The following ADK variants were observed in gnomAD, a reference collection of about 807,000 sequenced individuals.
ADK encodes N6,N6-dimethyladenosine kinase.
A neutral mutation model predicts 44.7 loss-of-function variants in ADK; 24 were observed. That is an observed-to-expected ratio of 0.54 (90% CI 0.39 to 0.76). The LOEUF (loss-of-function observed/expected upper bound fraction) is 0.76, where lower values mean the gene tolerates loss of function less well. Among genes scored for constraint, ADK ranks in the 30% least tolerant of loss-of-function variants. The probability of loss-of-function intolerance (pLI) is 0.00; values close to 1 mark genes in which losing one functional copy is unlikely to be tolerated. For synonymous variants in ADK, 128 were observed against 142.6 expected, an observed-to-expected ratio of 0.90 and a Z score of 0.73; for missense variants, 321 against 425.1, an observed-to-expected ratio of 0.76 and a Z score of 2.15.
intron 6 of ADK, among the ~76,000 whole-genome samples, chr10:74,480,879 A>ATAT (rs1479867925): frequency 2.0e-5 from 3 of 152,258 alleles, no homozygotes; most frequent in Admixed American, 6.5e-5. Context: ...TTCTTAGACT[A>ATAT]TATTTTAAAT....
chr10:74,388,993 G>A lies in ADK; in HGVS notation c.274-5148G>A, dbSNP rs111740077. 7.2e-5 allele frequency among the ~76,000 whole-genome samples: 11 copies of A among 152,286 alleles called. 1 individual carries two copies. Among genetic ancestry groups the A allele is most frequent in the African/African-American group, 2.2e-4 (9 of 41,550 alleles). ...GAACTTGCCTCCTGGCAGAGTACCT[G>A]CATGATGTCAGGGCACACCTTGTTT... On this transcript the variant is annotated intron_variant, in intron 4 of 10. Transcript: ENST00000539909.
intron 4 of ADK, among the ~76,000 whole-genome samples, chr10:74,369,465 GCT>G (rs1239246101): frequency 6.6e-6 from 1 of 152,136 alleles, no homozygotes; most frequent in Admixed American, 6.5e-5. Flanking sequence ...GGAAGTTGGG[GCT>G]CTCTGCTTTC....
At chr10:74,172,463 C>T (rs1485463703) in intron 1 of ADK, among the ~76,000 whole-genome samples, 36 of 152,084 alleles carry the variant, frequency 2.4e-4, no homozygotes, top group Admixed American at 2.2e-3. Context: ...CCGAGGTGGG[C>T]GGATCACCTG....
intron 6 of ADK, among the ~76,000 whole-genome samples, chr10:74,480,895 A>C (rs1032061950): frequency 3.0e-4 from 46 of 152,160 alleles, no homozygotes; most frequent in African/African-American, 8.4e-4. Context: ...TAAATATACT[A>C]TTCCATTGCG....
chr10:74,243,192 G>A (rs906211551), intron 3 of ADK, among the ~76,000 whole-genome samples: 3 of 152,166 alleles, frequency 2.0e-5, no homozygotes, highest in African/African-American at 4.8e-5. Flanking sequence ...TTTTGGGGTC[G>A]TGGGCACCCT....
At chr10:74,287,734 G>A (rs541700316) in intron 3 of ADK, among the ~76,000 whole-genome samples, 2 of 151,850 alleles carry the variant, frequency 1.3e-5, no homozygotes, top group East Asian at 3.9e-4. Context: ...TTGCATTGAC[G>A]TTGCCTGTAA....
At chr10:74,692,353 C>T (rs1856020370) in intron 10 of ADK, among the ~76,000 whole-genome samples, 1 of 152,120 alleles carries the variant, frequency 6.6e-6, no homozygotes, top group Admixed American at 6.5e-5. Context: ...GTGGCAGGCG[C>T]CTATAATCCC....
intron 6 of ADK, among the ~76,000 whole-genome samples, chr10:74,427,727 A>ATGTGTGTGTGTGTG (rs35949478): frequency 6.7e-6 from 1 of 148,398 alleles, no homozygotes; most frequent in Non-Finnish European, 1.5e-5. Context: ...ATGTATATGT[A>ATGTGTGTGTGTGTG]TGTGTGTGTG....
chr10:74,500,567 T>C (rs980519189), intron 6 of ADK, among the ~76,000 whole-genome samples: 2 of 152,366 alleles, frequency 1.3e-5, no homozygotes, highest in African/African-American at 4.8e-5. Context: ...TGAGAACTAC[T>C]ATCCTATGTG....
chr10:74,451,887 A>G (rs1845795481), intron 6 of ADK, among the ~76,000 whole-genome samples: 1 of 152,108 alleles, frequency 6.6e-6, no homozygotes, highest in African/African-American at 2.4e-5. Context: ...GATTACATTA[A>G]TAATTATTTG....
chr10:74,594,189 GGT>G (rs1851815814), intron 8 of ADK, among the ~76,000 whole-genome samples: 1 of 151,838 alleles, frequency 6.6e-6, no homozygotes, highest in Non-Finnish European at 1.5e-5. Flanking sequence ...CCTGTTGTGG[GGT>G]GGGGGGTTGG....
At chr10:74,201,734 A>T (rs1270832432) in intron 2 of ADK, among the ~76,000 whole-genome samples, 1 of 149,270 alleles carries the variant, frequency 6.7e-6, no homozygotes, top group Admixed American at 6.7e-5. Flanking sequence ...CTATCTATAT[A>T]TGGTTCAGTA....
At chr10:74,696,168 A>C (rs1254792742) in intron 10 of ADK, among the ~76,000 whole-genome samples, 1 of 151,410 alleles carries the variant, frequency 6.6e-6, no homozygotes, top group Non-Finnish European at 1.5e-5. Context: ...TTGCAGGCAC[A>C]CACCACCACA....
chr10:74,391,730 A>G (rs1843341317), intron 4 of ADK, among the ~76,000 whole-genome samples: 1 of 150,912 alleles, frequency 6.6e-6, no homozygotes, highest in Admixed American at 6.6e-5. Flanking sequence ...CATAACATTA[A>G]CTCTACCATC....
chr10:74,243,502 G>A (rs1174686869), intron 3 of ADK, among the ~76,000 whole-genome samples: 2 of 152,036 alleles, frequency 1.3e-5, no homozygotes, highest in African/African-American at 2.4e-5. Flanking sequence ...TAAAATTGTG[G>A]CCTAATTTAT....
At chr10:74,192,487 A>G (rs988049429) in intron 1 of ADK, among the ~76,000 whole-genome samples, 5 of 151,148 alleles carry the variant, frequency 3.3e-5, no homozygotes, top group African/African-American at 1.2e-4. Flanking sequence ...CGGCCTCCCA[A>G]AGTGCTGGGA....
At chr10:74,554,337 TG>T (rs1850157625) in intron 7 of ADK, among the ~76,000 whole-genome samples, 1 of 152,192 alleles carries the variant, frequency 6.6e-6, no homozygotes, top group Admixed American at 6.5e-5. Context: ...ATGCTTATTC[TG>T]ACTTTGGGGT....
At chr10:74,237,693 T>A (rs969949114) in intron 3 of ADK, among the ~76,000 whole-genome samples, 1 of 152,182 alleles carries the variant, frequency 6.6e-6, no homozygotes, top group African/African-American at 2.4e-5. Flanking sequence ...ACTTCTTGAT[T>A]TGGGGGTTGC....
chr10:74,292,921 G>A (rs1839671868), intron 3 of ADK, among the ~76,000 whole-genome samples: 1 of 151,954 alleles, frequency 6.6e-6, no homozygotes, highest in African/African-American at 2.4e-5. Flanking sequence ...TTTTAAAAAC[G>A]TAAGTCAGAT....
Sources: allele counts gnomAD v4.1 joint callset (sites outside exome capture counted in the v4.1 genomes callset), GRCh38; gene constraint gnomAD v4.1.1; transcripts MANE v1.5; gene names NCBI Gene and HGNC (gene_info 2026-07-23, HGNC 2026-07-21).